USF3: variants seen among roughly 807,000 people sequenced by gnomAD.
The protein encoded by USF3 is basic helix-loop-helix domain-containing protein USF3.
A neutral mutation model predicts 157.5 loss-of-function variants in USF3; 29 were observed. That is an observed-to-expected ratio of 0.18 (90% CI 0.14 to 0.25). The LOEUF (loss-of-function observed/expected upper bound fraction) is 0.25, where lower values mean the gene tolerates loss of function less well. Ranked by LOEUF, USF3 falls within the 10% of genes least tolerant of loss-of-function variation. The pLI is 1.00. For synonymous variants in USF3, 893 were observed against 941.4 expected, an observed-to-expected ratio of 0.95 and a Z score of 0.94; for missense variants, 2,381 against 2,667.6, an observed-to-expected ratio of 0.89 and a Z score of 2.37.
chr3:113,657,695 C>T lies in USF3; in HGVS notation c.3987G>A (p.Lys1329=). 1.9e-6 allele frequency: 3 copies of T among 1,614,174 alleles called. No individual in the cohort carries two copies. The highest frequency in any genetic ancestry group is 2.5e-6 in the Non-Finnish European group (3 of 1,180,034). ...PSHESRKDSA[K]RAVQDDLLLS... ...GTAAAAGGTCATCTTGGACAGCACG[C>T]TTAGCAGAATCCTTACGGCTTTCAT... The change falls in exon 7 of 7, where the codon AAG becomes AAA. Residue 1329 remains lysine, a synonymous_variant. Coordinates refer to ENST00000316407, the MANE Select transcript of USF3 (RefSeq NM_001009899.4).
chr3:113,655,499 T>C lies in USF3; in HGVS notation c.6183A>G (p.Gln2061=). 1 of 1,614,078 alleles carries C rather than the reference T, an allele frequency of 6.2e-7. No individual in the cohort carries two copies. Among genetic ancestry groups the C allele is most frequent in the Non-Finnish European group, 8.5e-7 (1 of 1,179,992 alleles). The change falls in exon 7 of 7, where the codon CAA becomes CAG. Residue 2061 remains glutamine (Q), a synonymous_variant. Coordinates refer to ENST00000316407, the MANE Select transcript of USF3 (RefSeq NM_001009899.4). ...CAGGAATAAAAGAAAAACCAAAATT[T>C]TGTGATAGTGTATGCTGGTCAGGAC... is the stretch of plus-strand genomic sequence containing the variant. ...NSGPDQHTLS[Q]NFGFSFIPEG... is the part of the protein sequence containing the mutation.
intron 5 of USF3, among the ~76,000 whole-genome samples, chr3:113,668,783 T>C (rs990930942): frequency 1.3e-5 from 2 of 151,842 alleles, no homozygotes; most frequent in Non-Finnish European, 2.9e-5. Flanking sequence ...AAACATATGG[T>C]AGGAAAAGGA....
intron 1 of USF3, among the ~76,000 whole-genome samples, chr3:113,694,663 A>G (rs1707762031): frequency 6.6e-6 from 1 of 152,228 alleles, no homozygotes; most frequent in Non-Finnish European, 1.5e-5. Context: ...CCACCCATCA[A>G]ATACACTAAC....
Position 113,659,780 on chromosome 3 carries a change from G to A in USF3, c.1902C>T (p.Val634=), listed in dbSNP as rs2107924751. The A allele has an allele frequency of 1.2e-6, 2 of 1,614,236 alleles. No homozygotes were observed. Among genetic ancestry groups the A allele is most frequent in the Non-Finnish European group, 8.5e-7 (1 of 1,180,028 alleles). Residue 634 remains valine (V), a synonymous_variant, in exon 7 of 7, where the codon GTC becomes GTT. Transcript: ENST00000316407. The part of the protein sequence containing the change: ...TPQTFGGKHL[V]HILPRPSSLS... The stretch of plus-strand genomic sequence containing the variant: ...AAGATGAAGGTCTTGGTAATATGTG[G>A]ACAAGATGCTTTCCTCCAAAAGTCT...
At position 113,657,723 on chromosome 3, in the gene USF3, C is replaced by T; in HGVS notation, c.3959G>A (p.Ser1320Asn). 2 of 1,614,146 alleles carry T rather than the reference C, an allele frequency of 1.2e-6. No individual in the cohort carries two copies. The highest frequency in any genetic ancestry group is 1.7e-6 in the Non-Finnish European group (2 of 1,180,038). ...AGCAGAATCCTTACGGCTTTCATGG[C>T]TTGGCTTTAAGAGTGGCTCTTGAAT... ...SQIQEPLLKP[S>N]HESRKDSAKR... The change falls in exon 7 of 7, where the codon AGC (serine) becomes AAC (asparagine). Residue 1320 changes from serine (S) to asparagine (N), a missense_variant. This residue lies in a region of USF3 where 1,435 missense variants were observed against 1,550.9 expected (regional missense o/e 0.93). Coordinates refer to ENST00000316407, the MANE Select transcript of USF3 (RefSeq NM_001009899.4).
rs1235926441 is a variant in USF3 at position 113,658,707 on chromosome 3, G to C, written c.2975C>G (p.Thr992Arg). 1.9e-6 allele frequency: 3 copies of C among 1,613,544 alleles called. No homozygotes were observed. The highest frequency in any genetic ancestry group is 2.5e-6 in the Non-Finnish European group (3 of 1,179,920). Reference protein sequence around the residue: ...PCRVEQDSSDTMQTTGLLKGQ... With the variant: ...PCRVEQDSSDRMQTTGLLKGQ... The stretch of plus-strand genomic sequence containing the variant: ...CTTTAAGAGACCTGTGGTTTGCATT[G>C]TATCTGATGAATCTTGCTCAACTCT... The change falls in exon 7 of 7, where the codon ACA becomes AGA. Residue 992 changes from threonine to arginine, a missense_variant. Around this residue, in one of 6 missense-constraint regions of USF3, gnomAD observed 1,435 missense variants for 1,550.9 expected, o/e 0.93. Coordinates refer to ENST00000316407, the MANE Select transcript of USF3 (RefSeq NM_001009899.4).
Position 113,656,754 on chromosome 3 carries a change from T to G in USF3, c.4928A>C (p.Gln1643Pro). ...TGAAGATCTAGTCACAATACTTGGT[T>G]GGGACACCATTTGCTGCTCTAAGCC... ...SRGLEQQMVS[Q>P]PSIVTRSSDM... Residue 1643 changes from glutamine to proline, a missense_variant, in exon 7 of 7, where the codon CAA becomes CCA. This residue lies in a region of USF3 where 770 missense variants were observed against 824.2 expected (regional missense o/e 0.93). Transcript: ENST00000316407. The G allele has an allele frequency of 6.2e-7, 1 of 1,614,202 alleles. No individual in the cohort carries two copies. The highest frequency in any genetic ancestry group is 8.5e-7 in the Non-Finnish European group (1 of 1,180,038).
At position 113,652,108 on chromosome 3, in the gene USF3, A is replaced by AGGGTGTGTGTGTGT. The variant is rs1266464109; in HGVS notation, c.*2835_*2836insACACACACACACCC. On this transcript the variant is annotated 3_prime_UTR_variant, in exon 7 of 7. Coordinates refer to ENST00000316407, the MANE Select transcript of USF3 (RefSeq NM_001009899.4). ...TGGAGAGAGAGAGAGAGAGAGAGAG[A>AGGGTGTGTGTGTGT]GTGTGTGTGTGTGTGTGTGTGTGTG... The AGGGTGTGTGTGTGT allele has an allele frequency of 7.0e-6, 1 of 141,978 alleles. No homozygotes were observed. Among genetic ancestry groups the AGGGTGTGTGTGTGT allele is most frequent in the African/African-American group, 2.6e-5 (1 of 38,276 alleles). The allele number at this position is 141,978 out of a possible 1,614,324, so 8.8% of individuals were successfully genotyped here. A position where few individuals can be genotyped will look rare whatever the true frequency, so the allele number is the denominator to read the frequency against.
Position 113,655,111 on chromosome 3 carries a change from T to C in USF3, c.6571A>G (p.Thr2191Ala). 7 of 1,614,168 alleles carry C rather than the reference T, an allele frequency of 4.3e-6. No individual in the cohort carries two copies. Among genetic ancestry groups the C allele is most frequent in the Non-Finnish European group, 5.9e-6 (7 of 1,179,992 alleles). ...GTGGCTATTTCTGGAAACAAAGATG[T>C]CATATTAAAATTGGATAAGTGAGAG... The part of the protein sequence containing the change: ...TNSHLSNFNM[T>A]SLFPEIATAL... The change falls in exon 7 of 7, where the codon ACA (threonine) becomes GCA (alanine). Residue 2191 changes from threonine to alanine, a missense_variant. Around this residue, in one of 6 missense-constraint regions of USF3, gnomAD observed 770 missense variants for 824.2 expected, o/e 0.93. Coordinates refer to ENST00000316407, the MANE Select transcript of USF3 (RefSeq NM_001009899.4).
In USF3 at chr3:113,660,513, G is replaced by C. The variant is rs771133268; in HGVS notation, c.1169C>G (p.Ser390Trp). 16 of 1,614,136 alleles carry C rather than the reference G, an allele frequency of 9.9e-6. No individual in the cohort carries two copies. The highest frequency in any genetic ancestry group is 1.4e-5 in the Non-Finnish European group (16 of 1,180,028). Residue 390 changes from serine (S) to tryptophan (W), a missense_variant, in exon 7 of 7, where the codon TCG (serine) becomes TGG (tryptophan). Coordinates refer to ENST00000316407, the MANE Select transcript of USF3 (RefSeq NM_001009899.4). Reference sequence around the variant, plus strand: ...CCAACCATTGTCCAAAGGGTTTCCCGAAAGAGTGCTTATAGGAATGGTGGC... The same window carrying C: ...CCAACCATTGTCCAAAGGGTTTCCCCAAAGAGTGCTTATAGGAATGGTGGC... The part of the protein sequence containing the change: ...GKATIPISTL[S>W]GNPLDNGWTL...
intron 4 of USF3, among the ~76,000 whole-genome samples, chr3:113,670,956 G>A (rs1447203568): frequency 2.6e-5 from 4 of 152,034 alleles, no homozygotes; most frequent in Non-Finnish European, 1.5e-5. Context: ...TGTTGCCTAG[G>A]ATGGTCTCAA....
chr3:113,673,218 A>C (rs1707201725), intron 4 of USF3, 130 bp downstream of exon 4: 1 of 663,366 alleles, frequency 1.5e-6, no homozygotes, highest in African/African-American at 1.9e-5. Flanking sequence ...AAAAACAATA[A>C]GGGAACATTT....
chr3:113,666,825 T>G (rs1947577860), intron 5 of USF3, among the ~76,000 whole-genome samples: 1 of 151,848 alleles, frequency 6.6e-6, no homozygotes, highest in Non-Finnish European at 1.5e-5. Context: ...CCTGACCTCA[T>G]TATCTGCCCG....
At chr3:113,678,939 A>C (rs549561495) in intron 1 of USF3, among the ~76,000 whole-genome samples, 18 of 151,336 alleles carry the variant, frequency 1.2e-4, no homozygotes, top group African/African-American at 4.4e-4. Flanking sequence ...TAGAGATGGG[A>C]TCTCACTATG....
chr3:113,654,745 T>C lies in USF3; in HGVS notation c.*199A>G. ...GAAAATAAAAAAGTACACCATGCAG[T>C]TGAAAACGAAAGATAACTTGTTTTC... On this transcript the variant is annotated 3_prime_UTR_variant, in exon 7 of 7. Coordinates refer to ENST00000316407, the MANE Select transcript of USF3 (RefSeq NM_001009899.4). The C allele has an allele frequency of 1.8e-6, 1 of 560,548 alleles. No homozygotes were observed. The highest frequency in any genetic ancestry group is 3.1e-6 in the Non-Finnish European group (1 of 327,618). The allele number at this position is 560,548 out of a possible 1,614,324, so 34.7% of individuals were successfully genotyped here. A position where few individuals can be genotyped will look rare whatever the true frequency, so the allele number is the denominator to read the frequency against.
Position 113,661,267 on chromosome 3 carries a change from G to C in USF3, c.415C>G (p.Pro139Ala). The change falls in exon 7 of 7, where the codon CCT becomes GCT. Residue 139 changes from proline (P) to alanine (A), a missense_variant. By Grantham distance (27) the Pro-to-Ala change is conservative. This residue lies in a region of USF3 where 1,435 missense variants were observed against 1,550.9 expected (regional missense o/e 0.93). Coordinates refer to ENST00000316407, the MANE Select transcript of USF3 (RefSeq NM_001009899.4). ...ATTTTTTTTTGAACCTGGTCACTAG[G>C]AATAACAACAGAGACCTTTGAGTTT... is the stretch of plus-strand genomic sequence containing the variant. Reference protein sequence around the residue: ...LKNSKVSVVIPSDQVQKKIIV... With the variant: ...LKNSKVSVVIASDQVQKKIIV... 6.2e-7 allele frequency: 1 copy of C among 1,613,958 alleles called. No homozygotes were observed. The highest frequency in any genetic ancestry group is 8.5e-7 in the Non-Finnish European group (1 of 1,179,876).
At chr3:113,680,725 C>T (rs935490795) in intron 1 of USF3, among the ~76,000 whole-genome samples, 73 of 149,752 alleles carry the variant, frequency 4.9e-4, no homozygotes, top group African/African-American at 1.8e-3. Context: ...CACTTGAACC[C>T]GGGAGATGGA....
chr3:113,691,537 T>C (rs542160183), intron 1 of USF3, among the ~76,000 whole-genome samples: 2 of 152,296 alleles, frequency 1.3e-5, no homozygotes, highest in South Asian at 2.1e-4. Context: ...TGAAATCTGA[T>C]AGGACCATCA....
chr3:113,694,028 T>C (rs983471907), intron 1 of USF3, among the ~76,000 whole-genome samples: 3 of 152,172 alleles, frequency 2.0e-5, no homozygotes, highest in Admixed American at 1.3e-4. Context: ...CTTTAAAAAA[T>C]ATGCCCATGG....
Sources: allele counts gnomAD v4.1 joint callset (sites outside exome capture counted in the v4.1 genomes callset), GRCh38; gene constraint gnomAD v4.1.1; regional missense constraint gnomAD v4.1.1; transcripts MANE v1.5; gene names NCBI Gene and HGNC (gene_info 2026-07-23, HGNC 2026-07-21).